The following NKAIN4 variants were observed in gnomAD, a reference collection of about 807,000 sequenced individuals.
The protein encoded by NKAIN4 is sodium/potassium-transporting ATPase subunit beta-1-interacting protein 4.
In NKAIN4, 28 loss-of-function variants were observed where a neutral mutation model predicts 28.8. The ratio of observed to expected loss-of-function variants is 0.97; its 90% CI spans 0.72 to 1.33. The LOEUF is 1.33. Ranked by LOEUF, NKAIN4 falls within the 40% of genes most tolerant of loss-of-function variation. The pLI, the probability that NKAIN4 is intolerant of heterozygous loss-of-function variation, is 0.00. For missense variants in NKAIN4, 289 were observed against 277.2 expected (o/e 1.04, Z -0.30); for synonymous variants, 122 against 115.6 (o/e 1.06, Z -0.36).
At position 63,245,600 on chromosome 20, in the gene NKAIN4, C is replaced by T. The variant is rs1014369688; in HGVS notation, c.472-1516G>A. Among the ~76,000 whole-genome samples the T allele has an allele frequency of 5.9e-5, 9 of 152,058 alleles. No individual in the cohort carries two copies. The highest frequency in any genetic ancestry group is 1.9e-4 in the African/African-American group (8 of 41,408). On this transcript the variant is annotated intron_variant, in intron 4 of 6. Transcript: ENST00000370316. This position sits in a 1 kb window ranked among gnomAD's most constrained non-coding sequence, Gnocchi z 4.7. ...ATGGAGGCCTGGGATCTGCAGGCCCCGCACCCCAACCCCCAGAGCCTGGCC... is the reference window on the plus strand; with the variant it reads ...ATGGAGGCCTGGGATCTGCAGGCCCTGCACCCCAACCCCCAGAGCCTGGCC...
chr20:63,248,574 C>A, intron 3 of NKAIN4: 1 of 480,930 alleles, frequency 2.1e-6, no homozygotes, highest in Non-Finnish European at 3.8e-6. Flanking sequence ...AGCTGGAGCC[C>A]CCTCGCCTGC....
At chr20:63,254,106 C>G in intron 1 of NKAIN4, 1 of 433,568 alleles carries the variant, frequency 2.3e-6, no homozygotes, top group Non-Finnish European at 4.3e-6. Flanking sequence ...CGAAGGCTTC[C>G]GTCCGGCCAG....
rs1458295039 is a variant in NKAIN4 at position 63,242,281 on chromosome 20, A to AC, written c.617+257dup. On this transcript the variant is annotated intron_variant, in intron 6 of 6. Coordinates refer to ENST00000370316, the MANE Select transcript of NKAIN4 (RefSeq NM_152864.4). ...GACTCAGAGCCGACTCCTGGACCCA[A>AC]CCCCCTCCCACAGTCTCCATCTCTG... 2.0e-3 allele frequency among the ~76,000 whole-genome samples: 303 copies of AC among 151,450 alleles called. 1 individual carries two copies. Among genetic ancestry groups the AC allele is most frequent in the African/African-American group, 7.3e-3 (299 of 41,124 alleles).
In NKAIN4 at chr20:63,247,667, G is replaced by T; in HGVS notation, c.382C>A (p.His128Asn). Residue 128 changes from histidine to asparagine, a missense_variant, in exon 4 of 7, where the codon CAT becomes AAT. Transcript: ENST00000370316. ...EVPAVGLGAP[H>N]GQALVSGAGC... ...GCACCTGACACCAGGGCCTGGCCAT[G>T]GGGGGCCCCGAGGCCCACTGCTGGC... is the stretch of plus-strand genomic sequence containing the variant. 2 of 1,544,036 alleles carry T rather than the reference G, an allele frequency of 1.3e-6. No individual in the cohort carries two copies. Among genetic ancestry groups the T allele is most frequent in the Non-Finnish European group, 1.7e-6 (2 of 1,143,518 alleles).
chr20:63,245,067 C>A lies in NKAIN4; in HGVS notation c.472-983G>T, dbSNP rs578249152. ...GAGACAGGACACGCAGGCCAGGCCCCAGGGCTGGACATGCTTGGGCTCCGT... is the reference window on the plus strand; with the variant it reads ...GAGACAGGACACGCAGGCCAGGCCCAAGGGCTGGACATGCTTGGGCTCCGT... On this transcript the variant is annotated intron_variant, in intron 4 of 6. Coordinates refer to ENST00000370316, the MANE Select transcript of NKAIN4 (RefSeq NM_152864.4). The surrounding 1 kb of genome is among the most constrained non-coding windows in gnomAD (Gnocchi z 4.7). Among the ~76,000 whole-genome samples, 1 of 152,330 alleles carries A rather than the reference C, an allele frequency of 6.6e-6. No individual in the cohort carries two copies. Among genetic ancestry groups the A allele is most frequent in the East Asian group, 1.9e-4 (1 of 5,174 alleles).
chr20:63,244,698 C>T (rs983046852), intron 4 of NKAIN4, among the ~76,000 whole-genome samples: 2 of 152,162 alleles, frequency 1.3e-5, no homozygotes, highest in Non-Finnish European at 2.9e-5. Context: ...GAGGGCAGGC[C>T]GCTGCAAAGC....
intron 1 of NKAIN4, chr20:63,253,580 C>G (rs2066998501): frequency 1.1e-6 from 1 of 908,536 alleles, no homozygotes; most frequent in Non-Finnish European, 1.3e-6. Flanking sequence ...GACCCAGGGC[C>G]AATTAGCATC....
At chr20:63,242,892 G>A (rs1157441952) in intron 5 of NKAIN4, among the ~76,000 whole-genome samples, 78 of 151,550 alleles carry the variant, frequency 5.1e-4, no homozygotes, top group African/African-American at 1.9e-3. Context: ...CATGGCCTGG[G>A]GGGACGGCAG....
At position 63,241,227 on chromosome 20, in the gene NKAIN4, T is replaced by G; in HGVS notation, c.*270A>C. On this transcript the variant is annotated 3_prime_UTR_variant, in exon 7 of 7. Coordinates refer to ENST00000370316, the MANE Select transcript of NKAIN4 (RefSeq NM_152864.4). Reference sequence around the variant, plus strand: ...CCCATGTTGCCAGAGGAGGTGGGCATGTGGGGTTTTGCCTTTTCTTTTGTA... The same window carrying G: ...CCCATGTTGCCAGAGGAGGTGGGCAGGTGGGGTTTTGCCTTTTCTTTTGTA... 1.5e-4 allele frequency: 68 copies of G among 441,784 alleles called. No homozygotes were observed. Among genetic ancestry groups the G allele is most frequent in the East Asian group, 2.8e-4 (6 of 21,818 alleles). The allele number at this position is 441,784 out of a possible 1,614,324, so 27.4% of individuals were successfully genotyped here.
chr20:63,254,089 C>A (rs1360668993), intron 1 of NKAIN4: 7 of 399,754 alleles, frequency 1.8e-5, no homozygotes, highest in Admixed American at 7.4e-5. Context: ...GTCCAGGCGG[C>A]CCCGCCCGAA....
Position 63,247,632 on chromosome 20 carries a change from G to C in NKAIN4, c.417C>G (p.Ala139=). The part of the protein sequence containing the change: ...GQALVSGAGC[A]LEPSYVEALH... Reference sequence around the variant, plus strand: ...GGGCCTCCACATAGCTGGGCTCCAGGGCACAGCCAGCACCTGACACCAGGG... The same window carrying C: ...GGGCCTCCACATAGCTGGGCTCCAGCGCACAGCCAGCACCTGACACCAGGG... The change falls in exon 4 of 7, where the codon GCC becomes GCG. Residue 139 remains alanine, a synonymous_variant. Transcript: ENST00000370316. 11 of 1,548,036 alleles carry C rather than the reference G, an allele frequency of 7.1e-6. No homozygotes were observed. Among genetic ancestry groups the C allele is most frequent in the Non-Finnish European group, 9.6e-6 (11 of 1,145,648 alleles).
In NKAIN4 at chr20:63,244,021, C is replaced by T; in HGVS notation, c.532+3G>A. On this transcript the variant is annotated splice_donor_region_variant and intron_variant, in intron 5 of 6. Transcript: ENST00000370316. ...CCACTGCCTGCAGAGGCCCCATACT[C>T]ACAGCTGTCCTCTTCCTCCGTAAAC... 6.2e-7 allele frequency: 1 copy of T among 1,612,644 alleles called. No individual in the cohort carries two copies. The highest frequency in any genetic ancestry group is 8.5e-7 in the Non-Finnish European group (1 of 1,179,132).
At chr20:63,254,615 C>A, upstream of NKAIN4, 1 of 479,868 alleles carries the variant, frequency 2.1e-6, no homozygotes, top group Non-Finnish European at 3.3e-6. Flanking sequence ...AACAGCTGCG[C>A]TGCGTCTCCC....
At chr20:63,249,859 G>T in intron 2 of NKAIN4, 76 bp downstream of exon 2, 1 of 1,480,580 alleles carries the variant, frequency 6.8e-7, no homozygotes, top group Non-Finnish European at 9.2e-7. Context: ...AAATATGCCA[G>T]GATGGTGCCA....
Position 63,246,882 on chromosome 20 carries a change from T to C in NKAIN4, c.471+696A>G, listed in dbSNP as rs2066867801. On this transcript the variant is annotated intron_variant, in intron 4 of 6. Coordinates refer to ENST00000370316, the MANE Select transcript of NKAIN4 (RefSeq NM_152864.4). ...GGCGGGAGCTGAGGCACACGGAGGTTGTTAGGCTCACAGAGGCGGCACAGC... is the reference window on the plus strand; with the variant it reads ...GGCGGGAGCTGAGGCACACGGAGGTCGTTAGGCTCACAGAGGCGGCACAGC... 9.1e-6 allele frequency: 9 copies of C among 985,246 alleles called. No individual in the cohort carries two copies. In the South Asian group the frequency reaches 4.2e-4, roughly 46 times the overall value. 61.0% of individuals were successfully genotyped at this position (985,246 alleles called of 1,614,324 possible).
At position 63,253,589 on chromosome 20, in the gene NKAIN4, T is replaced by A. The variant is rs371566315; in HGVS notation, c.54+808A>T. On this transcript the variant is annotated intron_variant, in intron 1 of 6. Transcript: ENST00000370316. ...ACGGGAGACCCAGGGCCAATTAGCA[T>A]CGAAGCAAAGCAGCTTCCCCAGCCT... is the stretch of plus-strand genomic sequence containing the variant. The A allele has an allele frequency of 3.2e-4, 279 of 878,908 alleles. No individual in the cohort carries two copies. In the African/African-American group the frequency reaches 3.4e-3, roughly 11 times the overall value. 54.4% of individuals were successfully genotyped at this position (878,908 alleles called of 1,614,324 possible).
chr20:63,254,819 TGCCCAGCACCTGCTCCC>T (rs2067022695), upstream of NKAIN4: 1 of 192,122 alleles, frequency 5.2e-6, no homozygotes, highest in African/African-American at 2.3e-5. Flanking sequence ...CAGGATGACC[TGCCCAGCACCTGCTCCC>T]GCCGTGCGCC....
intron 1 of NKAIN4, chr20:63,253,916 C>G (rs2067006403): frequency 6.4e-6 from 1 of 156,754 alleles, no homozygotes; most frequent in African/African-American, 2.4e-5. Flanking sequence ...CACTCGCAAA[C>G]TCGCAGGCAC....
At chr20:63,244,199 C>T in intron 4 of NKAIN4, 115 bp from the exon 5 acceptor site, 3 of 848,778 alleles carry the variant, frequency 3.5e-6, no homozygotes, top group African/African-American at 1.7e-5. Context: ...CCCTGCCTCT[C>T]CTGGACCTCA....
Sources: allele counts gnomAD v4.1 joint callset (sites outside exome capture counted in the v4.1 genomes callset), GRCh38; gene constraint gnomAD v4.1.1; non-coding constraint Gnocchi (gnomAD v3.1); transcripts MANE v1.5; gene names NCBI Gene and HGNC (gene_info 2026-07-23, HGNC 2026-07-21).